GRIK3: variants seen among roughly 807,000 people sequenced by gnomAD.
The protein encoded by GRIK3 is glutamate receptor ionotropic, kainate 3.
GRIK3 carries 29 observed loss-of-function variants against 102.5 expected under a neutral mutation model. The ratio of observed to expected loss-of-function variants is 0.28; its 90% CI spans 0.21 to 0.39. GRIK3 has a LOEUF of 0.39. Ranked by LOEUF, GRIK3 falls within the 10% of genes least tolerant of loss-of-function variation. GRIK3 has a pLI of 1.00. For missense variants in GRIK3, 908 were observed against 1,252.4 expected, an observed-to-expected ratio of 0.73 and a Z score of 4.15; for synonymous variants, 511 against 504.9, an observed-to-expected ratio of 1.01 and a Z score of -0.16.
At chr1:36,811,450 T>C (rs1642561586) in intron 13 of GRIK3, among the ~76,000 whole-genome samples, 1 of 152,198 alleles carries the variant, frequency 6.6e-6, no homozygotes, top group Non-Finnish European at 1.5e-5. Flanking sequence ...AAGCGATGTG[T>C]GGCCCCTCCA....
intron 1 of GRIK3, among the ~76,000 whole-genome samples, chr1:36,952,138 C>T (rs1252113019): frequency 2.0e-5 from 3 of 152,200 alleles, no homozygotes; most frequent in Non-Finnish European, 4.4e-5. Flanking sequence ...CCTCCTGATT[C>T]CCTGTCCAGT....
At position 36,853,745 on chromosome 1, in the gene GRIK3, C is replaced by A. The variant is rs373762223; in HGVS notation, c.1105-23G>T. 27 of 1,322,934 alleles carry A rather than the reference C, an allele frequency of 2.0e-5. No individual in the cohort carries two copies. The African/African-American group carries it at 3.6e-4, about 18-fold the overall frequency. The allele number at this position is 1,322,934 out of a possible 1,614,324, so 81.9% of individuals were successfully genotyped here. ...AGCCTGCGGAGGGGAGAGGGCAGAG[C>A]GGCAATTCCTCGGGCTTATAAATCA... is the stretch of plus-strand genomic sequence containing the variant. On this transcript the variant is annotated intron_variant, in intron 7 of 15. Transcript: ENST00000373091.
At chr1:36,899,522 G>A (rs1641209699) in intron 1 of GRIK3, among the ~76,000 whole-genome samples, 1 of 152,066 alleles carries the variant, frequency 6.6e-6, no homozygotes, top group East Asian at 1.9e-4. Flanking sequence ...CTAGAGGAAG[G>A]GGGGAAAGTG....
At chr1:36,893,304 C>G (rs181991269) in intron 1 of GRIK3, among the ~76,000 whole-genome samples, 14 of 152,172 alleles carry the variant, frequency 9.2e-5, no homozygotes, top group Non-Finnish European at 1.5e-5. Context: ...GATGGAAGCT[C>G]TTATTTTATA....
rs200954863 is a variant in GRIK3, at chr1:36,880,782, C to T, written c.402G>A (p.Gln134=). Reference sequence around the variant, plus strand: ...CCAGCGGGTGGTGCTTCCAACGCAGCTGGATGTGGGGCACCTCCAGGGCAT... The same window carrying T: ...CCAGCGGGTGGTGCTTCCAACGCAGTTGGATGTGGGGCACCTCCAGGGCAT... The part of the protein sequence containing the change: ...ICNALEVPHI[Q]LRWKHHPLDN... The change falls in exon 3 of 16, where the codon CAG becomes CAA. Residue 134 remains glutamine (Q), a synonymous_variant. Coordinates refer to ENST00000373091, the MANE Select transcript of GRIK3 (RefSeq NM_000831.4). This position sits in a 1 kb window ranked among gnomAD's most constrained non-coding sequence, Gnocchi z 5.4. The T allele has an allele frequency of 4.3e-6, 7 of 1,614,164 alleles. No individual in the cohort carries two copies. In the East Asian group the frequency reaches 8.9e-5, roughly 21 times the overall value.
intron 11 of GRIK3, among the ~76,000 whole-genome samples, chr1:36,822,665 G>A (rs539904692): frequency 6.6e-6 from 1 of 152,282 alleles, no homozygotes; most frequent in African/African-American, 2.4e-5. Flanking sequence ...GAGTGTGGAG[G>A]AGGAGACAGG....
intron 1 of GRIK3, among the ~76,000 whole-genome samples, chr1:36,977,797 C>T (rs1323954151): frequency 1.3e-5 from 2 of 152,186 alleles, no homozygotes; most frequent in Non-Finnish European, 2.9e-5. Context: ...TAGCAGGACT[C>T]GGTTGCCAGA....
At chr1:36,874,172 C>T (rs555603349) in intron 3 of GRIK3, among the ~76,000 whole-genome samples, 2 of 152,348 alleles carry the variant, frequency 1.3e-5, no homozygotes, top group Admixed American at 1.3e-4. Context: ...TCTCCAAAAG[C>T]CTTCCGGCAG....
intron 1 of GRIK3, among the ~76,000 whole-genome samples, chr1:36,988,673 A>G (rs1642331771): frequency 6.6e-6 from 1 of 152,276 alleles, no homozygotes; most frequent in Non-Finnish European, 1.5e-5. Flanking sequence ...TAATGAGGCA[A>G]TAAAACTCAA....
intron 1 of GRIK3, among the ~76,000 whole-genome samples, chr1:36,973,178 A>T (rs908893572): frequency 2.0e-5 from 3 of 152,170 alleles, no homozygotes; most frequent in African/African-American, 7.2e-5. Flanking sequence ...AGGATAGCAT[A>T]CAGAGGCCAC....
chr1:36,974,340 A>G (rs1642173564), intron 1 of GRIK3, among the ~76,000 whole-genome samples: 1 of 152,212 alleles, frequency 6.6e-6, no homozygotes, highest in South Asian at 2.1e-4. Flanking sequence ...TTAGTTATGT[A>G]CCTATGGGTT....
intron 1 of GRIK3, among the ~76,000 whole-genome samples, chr1:36,994,905 C>A (rs574264256): frequency 6.6e-6 from 1 of 152,184 alleles, no homozygotes; most frequent in Admixed American, 6.5e-5. Context: ...GGAATCACAC[C>A]TTTCTCTCTG....
At chr1:36,923,725 C>T (rs1440003832) in intron 1 of GRIK3, among the ~76,000 whole-genome samples, 2 of 152,210 alleles carry the variant, frequency 1.3e-5, no homozygotes, top group African/African-American at 4.8e-5. Context: ...CTAGTGTTTA[C>T]CCTGTCCTTA....
At chr1:37,015,264 A>T (rs1418837921) in intron 1 of GRIK3, among the ~76,000 whole-genome samples, 1 of 152,154 alleles carries the variant, frequency 6.6e-6, no homozygotes, top group Non-Finnish European at 1.5e-5. Context: ...GCCTGTGGGG[A>T]TAACTCACAC....
At chr1:36,981,031 G>A (rs1255106341) in intron 1 of GRIK3, among the ~76,000 whole-genome samples, 2 of 152,160 alleles carry the variant, frequency 1.3e-5, no homozygotes, top group African/African-American at 4.8e-5. Flanking sequence ...ATGTATACCA[G>A]CACTAAGTGT....
intron 1 of GRIK3, among the ~76,000 whole-genome samples, chr1:36,975,679 A>C (rs1253754179): frequency 6.6e-6 from 1 of 152,204 alleles, no homozygotes; most frequent in Non-Finnish European, 1.5e-5. Flanking sequence ...GGAGGAATTT[A>C]AACTATCGGT....
At position 36,799,732 on chromosome 1, in the gene GRIK3, A is replaced by T. The variant is rs1642418737; in HGVS notation, c.*2119T>A. On this transcript the variant is annotated 3_prime_UTR_variant, in exon 16 of 16. Coordinates refer to ENST00000373091, the MANE Select transcript of GRIK3 (RefSeq NM_000831.4). The stretch of plus-strand genomic sequence containing the variant: ...TACATATATGGGGCCTTGCTGCTTC[A>T]CATATTTGTCTCCCTCGTCCCCAAT... 1 of 152,148 alleles carries T rather than the reference A, an allele frequency of 6.6e-6. No homozygotes were observed. Among genetic ancestry groups the T allele is most frequent in the African/African-American group, 2.4e-5 (1 of 41,436 alleles). The allele number at this position is 152,148 out of a possible 1,614,324, so 9.4% of individuals were successfully genotyped here. A position where few individuals can be genotyped will look rare whatever the true frequency, so the allele number is the denominator to read the frequency against.
At chr1:37,006,375 C>T (rs182934434) in intron 1 of GRIK3, among the ~76,000 whole-genome samples, 71 of 152,340 alleles carry the variant, frequency 4.7e-4, no homozygotes, top group African/African-American at 1.4e-3. Flanking sequence ...CAGCAGGCCA[C>T]GTGCAGAAAT....
At chr1:36,911,530 G>A (rs1412531516) in intron 1 of GRIK3, among the ~76,000 whole-genome samples, 1 of 152,108 alleles carries the variant, frequency 6.6e-6, no homozygotes, top group Non-Finnish European at 1.5e-5. Flanking sequence ...TCCAGAGAAG[G>A]GGCAGATCTG....
Sources: allele counts gnomAD v4.1 joint callset (sites outside exome capture counted in the v4.1 genomes callset), GRCh38; gene constraint gnomAD v4.1.1; non-coding constraint Gnocchi (gnomAD v3.1); transcripts MANE v1.5; gene names NCBI Gene and HGNC (gene_info 2026-07-23, HGNC 2026-07-21).